Variants in VRK2 observed in about 807,000 individuals in gnomAD.
VRK2 encodes the protein VRK serine/threonine kinase 2, also known as serine/threonine-protein kinase VRK2.
A neutral mutation model predicts 57.6 loss-of-function variants in VRK2; 60 were observed. That is an observed-to-expected ratio of 1.04 (90% CI 0.85 to 1.29). VRK2 has a LOEUF of 1.29. Among genes scored for constraint, VRK2 ranks in the 50% most tolerant of loss-of-function variants. The pLI is 0.00. For synonymous variants in VRK2, 231 were observed against 199.2 expected, an observed-to-expected ratio of 1.16 and a Z score of -1.35; for missense variants, 705 against 588.1, an observed-to-expected ratio of 1.20 and a Z score of -2.06.
chr2:58,039,351 CTCAGTTA>C (rs1674373418), intron 3 of VRK2, among the ~76,000 whole-genome samples: 1 of 152,070 alleles, frequency 6.6e-6, no homozygotes, highest in Non-Finnish European at 1.5e-5. Context: ...CTCTTTCAGT[CTCAGTTA>C]TCTCAGAGCA....
chr2:58,093,490 T>G (rs1242744067), intron 7 of VRK2, among the ~76,000 whole-genome samples: 21 of 152,210 alleles, frequency 1.4e-4, no homozygotes, highest in African/African-American at 2.6e-4. Flanking sequence ...TCATATCCTT[T>G]GCCCACTTTT....
chr2:58,146,532 T>G (rs1451239038), intron 12 of VRK2, 58 bp downstream of exon 12: 1 of 1,542,486 alleles, frequency 6.5e-7, no homozygotes, highest in Non-Finnish European at 8.7e-7. Flanking sequence ...GAATATGCCC[T>G]TTGGGAATAA....
intron 1 of VRK2, among the ~76,000 whole-genome samples, chr2:57,980,653 T>A (rs1672393347): frequency 6.6e-6 from 1 of 152,206 alleles, no homozygotes; most frequent in African/African-American, 2.4e-5. Context: ...TCCACTATTA[T>A]TGTGTGGTTA....
chr2:58,127,950 G>A (rs972828547), intron 8 of VRK2, among the ~76,000 whole-genome samples: 7 of 152,128 alleles, frequency 4.6e-5, no homozygotes, highest in African/African-American at 1.4e-4. Context: ...GGTGAATTGG[G>A]CTAGTTAATT....
At chr2:58,007,216 C>CT in intron 1 of VRK2, among the ~76,000 whole-genome samples, 1 of 148,804 alleles carries the variant, frequency 6.7e-6, no homozygotes, top group Non-Finnish European at 1.5e-5. Flanking sequence ...CTCTCTCTCT[C>CT]CCTCTCTCTC....
intron 3 of VRK2, among the ~76,000 whole-genome samples, chr2:58,039,954 T>C (rs986199736): frequency 3.3e-5 from 5 of 151,950 alleles, no homozygotes; most frequent in Non-Finnish European, 2.9e-5. Context: ...CTCACTCTGT[T>C]GCCCAGGCTG....
In VRK2 at chr2:58,053,979, A is replaced by G. The variant is rs565668990; in HGVS notation, c.136+5012A>G. On this transcript the variant is annotated intron_variant, in intron 2 of 12. Transcript: ENST00000340157. Reference sequence around the variant, plus strand: ...AATATAAACTCAAAACAGGGAAGGAATCACTTGGAGTTTTGTAAATTTAAT... The same window carrying G: ...AATATAAACTCAAAACAGGGAAGGAGTCACTTGGAGTTTTGTAAATTTAAT... Among the ~76,000 whole-genome samples the G allele has an allele frequency of 2.0e-5, 3 of 152,286 alleles. No homozygotes were observed. In the South Asian group the frequency reaches 6.2e-4, roughly 32 times the overall value.
chr2:58,035,983 C>T (rs1016653612), intron 3 of VRK2, among the ~76,000 whole-genome samples: 1 of 151,990 alleles, frequency 6.6e-6, no homozygotes, highest in African/African-American at 2.4e-5. Flanking sequence ...TGGTTGTTAT[C>T]CATTAGAAAG....
At chr2:57,966,075 C>T (rs1034812139) in intron 1 of VRK2, among the ~76,000 whole-genome samples, 5 of 152,168 alleles carry the variant, frequency 3.3e-5, no homozygotes, top group African/African-American at 7.2e-5. Context: ...AAGGAGTGAA[C>T]CTGCTACTAC....
intron 1 of VRK2, among the ~76,000 whole-genome samples, chr2:58,020,905 C>G (rs1384172526): frequency 6.6e-6 from 1 of 152,074 alleles, no homozygotes; most frequent in African/African-American, 2.4e-5. Flanking sequence ...GCCATAGACC[C>G]CTTTGATAGT....
intron 1 of VRK2, among the ~76,000 whole-genome samples, chr2:57,946,317 C>A (rs1671259070): frequency 6.6e-6 from 1 of 151,852 alleles, no homozygotes; most frequent in Non-Finnish European, 1.5e-5. Flanking sequence ...CAACTGTCTC[C>A]TCTGTTTTTT....
intron 1 of VRK2, among the ~76,000 whole-genome samples, chr2:57,971,069 T>C (rs1424897502): frequency 6.6e-6 from 1 of 152,002 alleles, no homozygotes; most frequent in Middle Eastern, 3.2e-3. Context: ...AGTCTTAGCA[T>C]TGGGGTGCCC....
At chr2:57,919,499 G>A (rs1042123677) in intron 1 of VRK2, among the ~76,000 whole-genome samples, 20 of 152,124 alleles carry the variant, frequency 1.3e-4, no homozygotes, top group African/African-American at 4.8e-4. Flanking sequence ...AGTTTTAAGA[G>A]TATACCCTTA....
chr2:58,153,022 C>A (rs1457115394), intron 12 of VRK2, among the ~76,000 whole-genome samples: 1 of 151,884 alleles, frequency 6.6e-6, no homozygotes, highest in Non-Finnish European at 1.5e-5. Context: ...CAGACCTGTT[C>A]CATGACCACG....
At chr2:58,125,002 T>C (rs1182174635) in intron 8 of VRK2, among the ~76,000 whole-genome samples, 1 of 152,130 alleles carries the variant, frequency 6.6e-6, no homozygotes, top group African/African-American at 2.4e-5. Context: ...GCTCAAGAAA[T>C]GTAAGAATTA....
rs114243875 is a variant in VRK2 at position 58,062,585 on chromosome 2, A to T, written c.136+13618A>T. On this transcript the variant is annotated intron_variant, in intron 2 of 12. Coordinates refer to ENST00000340157, the MANE Select transcript of VRK2 (RefSeq NM_006296.7). ...CTAAAGTGAAGCAGCCTTACTGCTG[A>T]TAAGGAGAAAGTTTCAGTGGTCTGG... Among the ~76,000 whole-genome samples the T allele has an allele frequency of 2.1e-3, 324 of 152,206 alleles. 2 individuals carry two copies. The highest frequency in any genetic ancestry group is 7.7e-3 in the African/African-American group (319 of 41,554).
At position 58,159,723 on chromosome 2, in the gene VRK2, T is replaced by C. The variant is rs751435009; in HGVS notation, c.*30T>C. On this transcript the variant is annotated 3_prime_UTR_variant, in exon 13 of 13. Transcript: ENST00000340157. Reference sequence around the variant, plus strand: ...GATACCAAAATTCCTTTTGATAATTTTTTAAGTTTCCAGCTCTTCACCGAA... The same window carrying C: ...GATACCAAAATTCCTTTTGATAATTCTTTAAGTTTCCAGCTCTTCACCGAA... 1.2e-6 allele frequency: 2 copies of C among 1,612,186 alleles called. No homozygotes were observed. The highest frequency in any genetic ancestry group is 1.1e-5 in the South Asian group (1 of 90,544).
intron 1 of VRK2, among the ~76,000 whole-genome samples, chr2:57,998,022 C>T (rs542343220): frequency 2.6e-5 from 4 of 152,190 alleles, no homozygotes; most frequent in African/African-American, 7.2e-5. Context: ...GAACACAAGT[C>T]TATATTCAGA....
intron 2 of VRK2, among the ~76,000 whole-genome samples, chr2:58,077,689 C>T (rs1193505802): frequency 1.3e-5 from 2 of 152,060 alleles, no homozygotes; most frequent in East Asian, 1.9e-4. Context: ...CATACCCTCT[C>T]TGGCAGTTCT....
Sources: allele counts gnomAD v4.1 joint callset (sites outside exome capture counted in the v4.1 genomes callset), GRCh38; gene constraint gnomAD v4.1.1; transcripts MANE v1.5; gene names NCBI Gene and HGNC (gene_info 2026-07-23, HGNC 2026-07-21).